The following PPARGC1A variants were observed in gnomAD, a reference collection of about 807,000 sequenced individuals.
PPARGC1A encodes the protein peroxisome proliferator-activated receptor gamma coactivator 1-alpha.
In PPARGC1A, 25 loss-of-function variants were observed where a neutral mutation model predicts 88.7. The observed-to-expected ratio is 0.28, with a 90% CI of 0.21 to 0.39. The LOEUF (loss-of-function observed/expected upper bound fraction) is 0.39. PPARGC1A is among the 10% of genes least tolerant of loss of function. The pLI is 1.00. For synonymous variants in PPARGC1A, 363 were observed against 355.6 expected (o/e 1.02, Z -0.24); for missense variants, 880 against 968.7 (o/e 0.91, Z 1.22).
the PPARGC1A span, among the ~76,000 whole-genome samples, chr4:24,121,502 G>A: frequency 6.6e-6 from 1 of 152,066 alleles, no homozygotes; most frequent in Non-Finnish European, 1.5e-5. Flanking sequence ...ACCACTGAAT[G>A]AGAGAAGCTG....
chr4:24,051,953 T>C, the PPARGC1A span, among the ~76,000 whole-genome samples: 3 of 136,736 alleles, frequency 2.2e-5, no homozygotes, highest in African/African-American at 5.4e-5. Context: ...AAAAAAAAAC[T>C]AAAAAGTAAG....
chr4:23,830,461 G>T lies in PPARGC1A; in HGVS notation c.430-876C>A, dbSNP rs3774906. ...GAAAACAATCTGATATCAATGGAAAGAAATCAGGGTACTAGGGAGCAAAGC... is the reference window on the plus strand; with the variant it reads ...GAAAACAATCTGATATCAATGGAAATAAATCAGGGTACTAGGGAGCAAAGC... On this transcript the variant is annotated intron_variant, in intron 3 of 12. Transcript: ENST00000264867. 3.5e-3 allele frequency among the ~76,000 whole-genome samples: 536 copies of T among 152,272 alleles called. 18 individuals carry two copies. The East Asian group carries it at 0.054, about 15-fold the overall frequency.
chr4:23,827,093 G>T (rs1212828937), intron 5 of PPARGC1A, among the ~76,000 whole-genome samples: 2 of 152,132 alleles, frequency 1.3e-5, no homozygotes, highest in Non-Finnish European at 1.5e-5. Flanking sequence ...AACTGTTCTA[G>T]TGCTTATGAG....
At chr4:24,226,825 G>C in the PPARGC1A span, among the ~76,000 whole-genome samples, 1 of 152,180 alleles carries the variant, frequency 6.6e-6, no homozygotes, top group Non-Finnish European at 1.5e-5. Context: ...CAGCTCTGAG[G>C]TCTATGATCG....
chr4:23,935,483 A>T, the PPARGC1A span, among the ~76,000 whole-genome samples: 1 of 152,296 alleles, frequency 6.6e-6, no homozygotes, highest in Admixed American at 6.5e-5. Flanking sequence ...TGATAATGTT[A>T]GTAGATATCA....
the PPARGC1A span, among the ~76,000 whole-genome samples, chr4:24,274,921 G>C: frequency 6.6e-6 from 1 of 152,106 alleles, no homozygotes; most frequent in Non-Finnish European, 1.5e-5. Context: ...GGGTTCCTGG[G>C]TAGAGTATCT....
the PPARGC1A span, among the ~76,000 whole-genome samples, chr4:24,131,429 T>A: frequency 2.6e-5 from 4 of 152,290 alleles, no homozygotes; most frequent in African/African-American, 7.2e-5. Flanking sequence ...CACCAGTAAG[T>A]AAGATATGAT....
At chr4:24,018,644 T>C in the PPARGC1A span, among the ~76,000 whole-genome samples, 1 of 152,184 alleles carries the variant, frequency 6.6e-6, no homozygotes, top group African/African-American at 2.4e-5. Flanking sequence ...TTCCTCACGA[T>C]CTCATTTTCA....
At chr4:24,281,074 C>T in the PPARGC1A span, among the ~76,000 whole-genome samples, 1 of 152,160 alleles carries the variant, frequency 6.6e-6, no homozygotes, top group South Asian at 2.1e-4. Context: ...ATCCCATATA[C>T]AAGATTAGGA....
At chr4:23,924,609 G>A in the PPARGC1A span, among the ~76,000 whole-genome samples, 7 of 152,134 alleles carry the variant, frequency 4.6e-5, no homozygotes, top group Admixed American at 1.3e-4. Flanking sequence ...GTGACAGAGC[G>A]AGACTCCATC....
At chr4:24,123,587 A>C in the PPARGC1A span, among the ~76,000 whole-genome samples, 2 of 152,306 alleles carry the variant, frequency 1.3e-5, no homozygotes, top group East Asian at 3.9e-4. Flanking sequence ...AAGGAGCTGC[A>C]TATTCCATGC....
the PPARGC1A span, among the ~76,000 whole-genome samples, chr4:24,142,701 G>A: frequency 6.6e-6 from 1 of 151,998 alleles, no homozygotes; most frequent in Non-Finnish European, 1.5e-5. Context: ...TAAAAATGGG[G>A]AGGGGGTGGT....
At chr4:23,893,952 A>G (rs895657379), upstream of PPARGC1A, among the ~76,000 whole-genome samples, 1 of 152,180 alleles carries the variant, frequency 6.6e-6, no homozygotes, top group Non-Finnish European at 1.5e-5. Context: ...CCTCCAAACT[A>G]TCCAATAAAA....
chr4:23,994,786 G>A, the PPARGC1A span, among the ~76,000 whole-genome samples: 1 of 152,090 alleles, frequency 6.6e-6, no homozygotes, highest in Non-Finnish European at 1.5e-5. Flanking sequence ...GGACCCCAAA[G>A]TCCTATCAGA....
chr4:24,113,330 T>C, the PPARGC1A span, among the ~76,000 whole-genome samples: 3,082 of 151,464 alleles, frequency 0.02, 57 homozygotes, highest in Middle Eastern at 0.044. Context: ...ATGGAAAGGA[T>C]AGATGGGAAC....
chr4:24,404,960 T>A, the PPARGC1A span, among the ~76,000 whole-genome samples: 22 of 152,244 alleles, frequency 1.4e-4, no homozygotes, highest in African/African-American at 5.3e-4. Flanking sequence ...CCTTCAATGA[T>A]CACTTACGCA....
the PPARGC1A span, among the ~76,000 whole-genome samples, chr4:24,096,654 T>C: frequency 6.6e-6 from 1 of 152,220 alleles, no homozygotes; most frequent in Admixed American, 6.5e-5. Flanking sequence ...ACACTTTCAG[T>C]ACGTCAGGAG....
the PPARGC1A span, among the ~76,000 whole-genome samples, chr4:24,155,120 T>A: frequency 1.4e-5 from 2 of 140,324 alleles, no homozygotes; most frequent in African/African-American, 6.4e-5. Flanking sequence ...AACCTCGGTT[T>A]TGTTTTTTTT....
the PPARGC1A span, among the ~76,000 whole-genome samples, chr4:24,347,820 G>GT: frequency 3.3e-5 from 5 of 151,770 alleles, no homozygotes; most frequent in Non-Finnish European, 7.4e-5. Context: ...TCTGTGCTTC[G>GT]GTTTTTTTGT....
Sources: gnomAD v4.1 joint callset for allele counts (sites outside exome capture counted in the v4.1 genomes callset) on GRCh38, gnomAD v4.1.1 for gene constraint, MANE v1.5 for transcripts, NCBI Gene and HGNC (gene_info 2026-07-23, HGNC 2026-07-21) for gene names.